Variants in CTPS2 observed in about 807,000 individuals in gnomAD.
The protein encoded by CTPS2 is CTP synthase 2.
CTPS2 carries 19 observed loss-of-function variants against 46.8 expected under a neutral mutation model. That is an observed-to-expected ratio of 0.41 (90% CI 0.28 to 0.60). CTPS2 has a LOEUF of 0.60. CTPS2 is among the 20% of genes least tolerant of loss of function. CTPS2 has a pLI of 0.35. For synonymous variants in CTPS2, 151 were observed against 165.2 expected (o/e 0.91, Z 0.66); for missense variants, 286 against 447.6 (o/e 0.64, Z 3.26).
At chrX:16,674,115 A>ATTTTTT (rs61591845) in intron 10 of CTPS2, among the ~76,000 whole-genome samples, 75 of 99,069 alleles carry the variant, frequency 7.6e-4, no homozygotes, top group African/African-American at 2.7e-3. Flanking sequence ...GAAAATGTGG[A>ATTTTTT]TTTTTTTTTT....
chrX:16,601,584 GGT>G (rs371759009), intron 17 of CTPS2, among the ~76,000 whole-genome samples: 277 of 82,730 alleles, frequency 3.3e-3, no homozygotes, highest in African/African-American at 0.012. Context: ...GGGGGGGGGG[GGT>G]TTAAGTTCCA....
chrX:16,657,288 C>T (rs1244077370), intron 13 of CTPS2, among the ~76,000 whole-genome samples: 1 of 104,189 alleles, frequency 9.6e-6, no homozygotes, highest in Non-Finnish European at 1.9e-5. Flanking sequence ...CTGGATGACT[C>T]TCCGAGGTGG....
intron 4 of CTPS2, among the ~76,000 whole-genome samples, chrX:16,697,901 T>C (rs946021620): frequency 8.9e-6 from 1 of 111,789 alleles, no homozygotes; most frequent in Non-Finnish European, 1.9e-5. Context: ...CAGGGTTGTC[T>C]GCAAGCTCCC....
intron 17 of CTPS2, among the ~76,000 whole-genome samples, chrX:16,598,253 A>G (rs2147165285): frequency 8.9e-6 from 1 of 111,889 alleles, no homozygotes; most frequent in South Asian, 3.7e-4. Context: ...CCTTCAAAAA[A>G]TTAATGAATC....
chrX:16,641,796 T>A (rs1476320154), intron 13 of CTPS2, among the ~76,000 whole-genome samples: 5 of 111,912 alleles, frequency 4.5e-5, no homozygotes, highest in Non-Finnish European at 9.4e-5. Context: ...TTACTTGGGA[T>A]GAACTTGACA....
At chrX:16,606,767 CTT>C (rs773707183) in intron 17 of CTPS2, among the ~76,000 whole-genome samples, 1 of 104,005 alleles carries the variant, frequency 9.6e-6, no homozygotes, top group Admixed American at 1.0e-4. Context: ...ACTAGGAAGC[CTT>C]TTTTTTTTTT....
intron 13 of CTPS2, among the ~76,000 whole-genome samples, chrX:16,647,850 G>A: frequency 1.8e-5 from 2 of 111,329 alleles, no homozygotes; most frequent in East Asian, 5.7e-4. Context: ...GGGAGACTGA[G>A]GCGGGCAGAT....
chrX:16,665,785 C>G (rs893951416), intron 13 of CTPS2, among the ~76,000 whole-genome samples: 7 of 112,398 alleles, frequency 6.2e-5, no homozygotes, highest in Non-Finnish European at 1.3e-4. Flanking sequence ...AAGTCTCACT[C>G]TGTTGCCCAG....
chrX:16,672,888 T>TC (rs1169214170), intron 10 of CTPS2, among the ~76,000 whole-genome samples: 1 of 92,511 alleles, frequency 1.1e-5, no homozygotes, highest in Admixed American at 1.2e-4. Context: ...ACTCTTTTTT[T>TC]TTTTTTTTTT....
At chrX:16,598,541 G>A (rs1929434838) in intron 17 of CTPS2, among the ~76,000 whole-genome samples, 1 of 111,651 alleles carries the variant, frequency 9.0e-6, no homozygotes, top group African/African-American at 3.3e-5. Context: ...ACCAATAACA[G>A]GAGCTGAAAT....
intron 17 of CTPS2, among the ~76,000 whole-genome samples, chrX:16,591,651 T>C (rs991936932): frequency 9.0e-6 from 1 of 111,269 alleles, no homozygotes; most frequent in Non-Finnish European, 1.9e-5. Flanking sequence ...ACATATACAT[T>C]GCATGAAGCG....
chrX:16,709,203 G>A (rs1199323124), intron 1 of CTPS2, among the ~76,000 whole-genome samples: 6 of 111,138 alleles, frequency 5.4e-5, no homozygotes, highest in Non-Finnish European at 9.4e-5. Context: ...CAAGACGGGC[G>A]GATTGCCTGA....
chrX:16,700,032 A>G (rs775909254), intron 2 of CTPS2, among the ~76,000 whole-genome samples: 42 of 108,300 alleles, frequency 3.9e-4, no homozygotes, highest in African/African-American at 1.3e-3. Flanking sequence ...TCCTGGATCC[A>G]AGCAATTCTC....
intron 14 of CTPS2, chrX:16,627,146 C>T (rs1931201046): frequency 8.9e-6 from 1 of 112,759 alleles, no homozygotes; most frequent in Non-Finnish European, 1.9e-5. Flanking sequence ...GGTAGAATTG[C>T]CTTGCTTTTA....
chrX:16,704,896 C>G (rs375781034), intron 1 of CTPS2, among the ~76,000 whole-genome samples: 2 of 111,109 alleles, frequency 1.8e-5, no homozygotes, highest in South Asian at 3.7e-4. Context: ...TGCAGTGAGC[C>G]GAGATCAGGC....
At chrX:16,629,058 G>A (rs1046604875) in intron 14 of CTPS2, among the ~76,000 whole-genome samples, 8 of 112,180 alleles carry the variant, frequency 7.1e-5, no homozygotes, top group Admixed American at 6.6e-4. Context: ...GGCGTGGTGC[G>A]GGTAAGTAGC....
chrX:16,700,705 A>G (rs1160873311), intron 2 of CTPS2, among the ~76,000 whole-genome samples: 2 of 111,154 alleles, frequency 1.8e-5, no homozygotes, highest in Non-Finnish European at 3.8e-5. Context: ...CTCATGTTAC[A>G]TGGGGGCTAT....
At chrX:16,681,541 A>ATTTTG (rs920511490) in intron 9 of CTPS2, among the ~76,000 whole-genome samples, 1 of 110,991 alleles carries the variant, frequency 9.0e-6, no homozygotes, top group African/African-American at 3.3e-5. Context: ...TTTATGCTTT[A>ATTTTG]TTTTGTTTTG....
At chrX:16,666,926 T>A (rs1056530349) in intron 13 of CTPS2, among the ~76,000 whole-genome samples, 4 of 111,189 alleles carry the variant, frequency 3.6e-5, no homozygotes, top group African/African-American at 9.8e-5. Flanking sequence ...TTATAGTAGA[T>A]GTTATAAATT....
Sources: allele counts gnomAD v4.1 joint callset (sites outside exome capture counted in the v4.1 genomes callset), GRCh38; gene constraint gnomAD v4.1.1; transcripts MANE v1.5; gene names NCBI Gene and HGNC (gene_info 2026-07-23, HGNC 2026-07-21).